Variants in SLC27A6 observed in about 807,000 individuals in gnomAD.
SLC27A6 encodes the protein long-chain fatty acid transport protein 6.
A neutral mutation model predicts 63.9 loss-of-function variants in SLC27A6; 74 were observed. That is an observed-to-expected ratio of 1.16 (90% CI 0.96 to 1.40). The LOEUF is 1.40. SLC27A6 is among the 40% of genes most tolerant of loss of function. The pLI is 0.00. For synonymous variants in SLC27A6, 287 were observed against 260.8 expected, an observed-to-expected ratio of 1.10 and a Z score of -0.97; for missense variants, 794 against 732.9, an observed-to-expected ratio of 1.08 and a Z score of -0.96.
chr5:128,990,061 A>C (rs552300951), intron 3 of SLC27A6, among the ~76,000 whole-genome samples: 1 of 152,314 alleles, frequency 6.6e-6, no homozygotes, highest in African/African-American at 2.4e-5. Flanking sequence ...GCCATGCTCT[A>C]ATACTTTAAC....
At chr5:128,981,468 G>A (rs193223012) in intron 1 of SLC27A6, among the ~76,000 whole-genome samples, 72 of 148,968 alleles carry the variant, frequency 4.8e-4, no homozygotes, top group African/African-American at 1.7e-3. Context: ...AGGACAGAGT[G>A]AGACTCCATC....
chr5:129,020,201 C>T (rs1275962075), intron 5 of SLC27A6, among the ~76,000 whole-genome samples: 1 of 152,090 alleles, frequency 6.6e-6, no homozygotes, highest in Non-Finnish European at 1.5e-5. Flanking sequence ...AGTTGCTTCT[C>T]AAGTATCAAG....
intron 4 of SLC27A6, among the ~76,000 whole-genome samples, chr5:128,993,206 A>G (rs1751038330): frequency 6.6e-6 from 1 of 152,184 alleles, no homozygotes; most frequent in African/African-American, 2.4e-5. Flanking sequence ...GTGTTATTAA[A>G]AATAGTGGTT....
intron 9 of SLC27A6, among the ~76,000 whole-genome samples, chr5:129,030,386 AT>A (rs903594666): frequency 4.0e-5 from 6 of 151,564 alleles, no homozygotes; most frequent in South Asian, 2.1e-4. Context: ...AACCACACAG[AT>A]TTTTTTTTCT....
At chr5:128,997,062 T>C (rs1751185531) in intron 4 of SLC27A6, among the ~76,000 whole-genome samples, 1 of 152,170 alleles carries the variant, frequency 6.6e-6, no homozygotes, top group East Asian at 1.9e-4. Context: ...TTTTATCATG[T>C]TTTCTCCTTT....
chr5:129,012,535 A>T (rs1751759563), intron 4 of SLC27A6, among the ~76,000 whole-genome samples: 1 of 152,026 alleles, frequency 6.6e-6, no homozygotes, highest in Non-Finnish European at 1.5e-5. Context: ...TTTCCCGCTT[A>T]TTCTATCAGT....
At chr5:128,979,269 G>A (rs1247430140) in intron 1 of SLC27A6, among the ~76,000 whole-genome samples, 1 of 151,258 alleles carries the variant, frequency 6.6e-6, no homozygotes, top group African/African-American at 2.4e-5. Context: ...CAGCTTTCTT[G>A]TCCTCTCCAG....
chr5:129,020,366 A>G (rs1185403349), intron 5 of SLC27A6, among the ~76,000 whole-genome samples: 1 of 152,182 alleles, frequency 6.6e-6, no homozygotes, highest in African/African-American at 2.4e-5. Context: ...AATCACCTTC[A>G]GTTAAAATGC....
intron 1 of SLC27A6, among the ~76,000 whole-genome samples, chr5:128,973,469 C>T (rs907379118): frequency 2.0e-5 from 3 of 152,172 alleles, no homozygotes; most frequent in Admixed American, 2.0e-4. Flanking sequence ...CTAGTGAAGC[C>T]TCAGCAGTGG....
At chr5:128,999,961 A>T (rs1233385905) in intron 4 of SLC27A6, among the ~76,000 whole-genome samples, 2 of 152,196 alleles carry the variant, frequency 1.3e-5, no homozygotes, top group African/African-American at 2.4e-5. Flanking sequence ...AAATGGCTGG[A>T]GAGCAGGGGA....
chr5:129,003,525 A>G (rs1323142619), intron 4 of SLC27A6, among the ~76,000 whole-genome samples: 1 of 152,194 alleles, frequency 6.6e-6, no homozygotes, highest in African/African-American at 2.4e-5. Context: ...AAAATGAACA[A>G]GAAGAGTCAG....
At chr5:128,970,842 G>C (rs914934516) in intron 1 of SLC27A6, among the ~76,000 whole-genome samples, 34 of 149,954 alleles carry the variant, frequency 2.3e-4, no homozygotes, top group African/African-American at 8.3e-4. Context: ...TCTTTTAATT[G>C]TGATGTTAGG....
intron 1 of SLC27A6, among the ~76,000 whole-genome samples, chr5:128,977,657 C>G (rs535872227): frequency 4.6e-5 from 7 of 152,072 alleles, no homozygotes; most frequent in Non-Finnish European, 1.0e-4. Context: ...GAGTATTTGC[C>G]CACTATAACC....
intron 3 of SLC27A6, among the ~76,000 whole-genome samples, chr5:128,989,679 C>T (rs1750908750): frequency 1.3e-5 from 2 of 152,176 alleles, no homozygotes; most frequent in African/African-American, 2.4e-5. Context: ...AATCCCAGCA[C>T]TTTGGGAGGC....
In SLC27A6 at chr5:128,992,122, CGTGGGGTGGGG is replaced by C. The variant is rs1327219709; in HGVS notation, c.969+1659_969+1669del. 2.4e-4 allele frequency among the ~76,000 whole-genome samples: 34 copies of C among 141,094 alleles called. No homozygotes were observed. In the East Asian group the frequency reaches 6.2e-3, roughly 26 times the overall value. The allele number at this position is 141,094 out of a possible 152,430, so 92.6% of individuals were successfully genotyped here. On this transcript the variant is annotated intron_variant, in intron 4 of 9. Transcript: ENST00000262462. The stretch of plus-strand genomic sequence containing the variant: ...GACAATAGAGTAGGATATTGCCCTA[CGTGGGGTGGGG>C]CAACAGAACCTTGGCCTTTGAGACC...
intron 4 of SLC27A6, among the ~76,000 whole-genome samples, chr5:129,002,315 A>G (rs1167409498): frequency 6.6e-6 from 1 of 152,250 alleles, no homozygotes; most frequent in East Asian, 1.9e-4. Flanking sequence ...TGAGTAAAGA[A>G]CAAAACCACT....
chr5:129,030,522 C>G (rs1236052581), intron 9 of SLC27A6, among the ~76,000 whole-genome samples: 2 of 151,976 alleles, frequency 1.3e-5, no homozygotes, highest in African/African-American at 4.8e-5. Flanking sequence ...GACACATCCT[C>G]TGAACTATCA....
chr5:128,972,472 T>G (rs1750210835), intron 1 of SLC27A6, among the ~76,000 whole-genome samples: 1 of 152,244 alleles, frequency 6.6e-6, no homozygotes, highest in Non-Finnish European at 1.5e-5. Context: ...TTTTACTCTT[T>G]TTTCTCTAAG....
intron 5 of SLC27A6, among the ~76,000 whole-genome samples, chr5:129,023,015 A>G (rs1752126416): frequency 6.6e-6 from 1 of 152,100 alleles, no homozygotes; most frequent in South Asian, 2.1e-4. Flanking sequence ...TTTCTAATAA[A>G]TTTATCATCT....
Sources: allele counts gnomAD v4.1 joint callset (sites outside exome capture counted in the v4.1 genomes callset), GRCh38; gene constraint gnomAD v4.1.1; transcripts MANE v1.5; gene names NCBI Gene and HGNC (gene_info 2026-07-23, HGNC 2026-07-21).